The following USP37 variants were observed in gnomAD, a reference collection of about 807,000 sequenced individuals.
USP37 encodes ubiquitin specific peptidase 37.
In USP37, 27 loss-of-function variants were observed where a neutral mutation model predicts 124.0. The ratio of observed to expected loss-of-function variants is 0.22; its 90% CI spans 0.16 to 0.30. USP37 has a LOEUF of 0.30. Among genes scored for constraint, USP37 ranks in the 10% least tolerant of loss-of-function variants. The probability of loss-of-function intolerance (pLI) is 1.00; values close to 1 mark genes in which losing one functional copy is unlikely to be tolerated. For synonymous variants in USP37, 365 were observed against 388.0 expected, an observed-to-expected ratio of 0.94 and a Z score of 0.70; for missense variants, 889 against 1,140.4, an observed-to-expected ratio of 0.78 and a Z score of 3.17.
chr2:218,529,958 G>GTC lies in USP37; in HGVS notation c.859_860dup (p.Asp287GlufsTer31). The GTC allele has an allele frequency of 6.2e-7, 1 of 1,609,464 alleles. No individual in the cohort carries two copies. Among genetic ancestry groups the GTC allele is most frequent in the Non-Finnish European group, 8.5e-7 (1 of 1,178,588 alleles). Reference sequence around the variant, plus strand: ...CAAGTAATATAACCAATGCATACCTGTCTAAGTTAGTGCCACCAGAAGAGT... The same window carrying GTC: ...CAAGTAATATAACCAATGCATACCTGTCTCTAAGTTAGTGCCACCAGAAGAGT... On this transcript the variant is annotated frameshift_variant, in exon 10 of 26. Coordinates refer to ENST00000258399, the MANE Select transcript of USP37 (RefSeq NM_020935.3). LOFTEE classifies it high-confidence loss of function.
chr2:218,514,231 T>C (rs1466216793), intron 10 of USP37: 1 of 152,198 alleles, frequency 6.6e-6, no homozygotes. Context: ...AAATTAACAA[T>C]GATACAATAC....
intron 16 of USP37, among the ~76,000 whole-genome samples, chr2:218,483,656 T>G (rs907748365): frequency 6.6e-6 from 1 of 151,896 alleles, no homozygotes; most frequent in Non-Finnish European, 1.5e-5. Context: ...TAGCATTTTT[T>G]TCCCCCCACT....
Position 218,510,122 on chromosome 2 carries a change from C to A in USP37, c.882G>T (p.Gln294His). The A allele has an allele frequency of 6.2e-7, 1 of 1,610,474 alleles. No individual in the cohort carries two copies. The change falls in exon 11 of 26, where the codon CAG (glutamine) becomes CAT (histidine). Residue 294 changes from glutamine (Q) to histidine (H), a missense_variant. Around this residue, in one of 3 missense-constraint regions of USP37, gnomAD observed 374 missense variants for 386.0 expected, o/e 0.97. Coordinates refer to ENST00000258399, the MANE Select transcript of USP37 (RefSeq NM_020935.3). ...CCAAACTTCTTTTGGCAGAGGGAGT[C>A]TGGCTTGAAACATTAGTCCTACAAA... The part of the protein sequence containing the change: ...TNLDRTNVSS[Q>H]TPSAKRSLGF...
intron 9 of USP37, among the ~76,000 whole-genome samples, chr2:218,532,159 T>C (rs889487895): frequency 3.9e-5 from 6 of 152,176 alleles, no homozygotes; most frequent in Non-Finnish European, 8.8e-5. Context: ...ATCAGAGATG[T>C]GACAAATTGT....
chr2:218,543,525 A>C (rs1052345555), intron 8 of USP37, among the ~76,000 whole-genome samples: 10 of 145,820 alleles, frequency 6.9e-5, no homozygotes, highest in South Asian at 2.2e-4. Flanking sequence ...AAAAAAAAAA[A>C]AAACAGGACA....
intron 20 of USP37, among the ~76,000 whole-genome samples, chr2:218,473,472 T>A (rs933183903): frequency 6.6e-6 from 1 of 152,222 alleles, no homozygotes; most frequent in African/African-American, 2.4e-5. Flanking sequence ...GCAAAATAAT[T>A]CATAATTGAA....
chr2:218,455,908 T>C (rs1490782949), intron 24 of USP37, among the ~76,000 whole-genome samples, 190 bp from the exon 25 acceptor site: 4 of 151,810 alleles, frequency 2.6e-5, no homozygotes, highest in African/African-American at 4.8e-5. Context: ...TAGCCAGGCA[T>C]GGTGGCGTGC....
chr2:218,459,676 C>A, intron 23 of USP37, 114 bp downstream of exon 23: 2 of 745,716 alleles, frequency 2.7e-6, no homozygotes. Context: ...CTAATGGCTA[C>A]TGAAAGGGCC....
chr2:218,498,264 G>C (rs1689177622), intron 11 of USP37, 107 bp from the exon 12 acceptor site: 1 of 1,192,914 alleles, frequency 8.4e-7, no homozygotes, highest in South Asian at 1.7e-5. Context: ...TGGAGGGCTT[G>C]TTAAACTACA....
At chr2:218,551,976 TAG>T (rs1342013115) in intron 5 of USP37, among the ~76,000 whole-genome samples, 1 of 152,066 alleles carries the variant, frequency 6.6e-6, no homozygotes, top group Admixed American at 6.6e-5. Flanking sequence ...GTATTTTTAG[TAG>T]AGATGGGGTT....
intron 4 of USP37, among the ~76,000 whole-genome samples, chr2:218,555,862 C>A (rs1239261374): frequency 6.6e-6 from 1 of 152,146 alleles, no homozygotes; most frequent in Non-Finnish European, 1.5e-5. Context: ...GCCATCCACT[C>A]AAAAACTTGA....
chr2:218,523,263 C>CA (rs35539483), intron 10 of USP37, among the ~76,000 whole-genome samples: 6,227 of 129,448 alleles, frequency 0.048, 167 homozygotes, highest in East Asian at 0.14. Context: ...GACTTCGTCT[C>CA]AAAAAAAAAA....
chr2:218,485,537 A>T, intron 16 of USP37, 127 bp downstream of exon 16: 1 of 1,098,440 alleles, frequency 9.1e-7, no homozygotes, highest in South Asian at 1.7e-5. Context: ...TTACCAATCC[A>T]TTCTGGTAAC....
At chr2:218,484,459 T>C (rs1446454408) in intron 16 of USP37, among the ~76,000 whole-genome samples, 6 of 150,264 alleles carry the variant, frequency 4.0e-5, no homozygotes, top group African/African-American at 1.5e-4. Flanking sequence ...CCGTCTCTAC[T>C]AAAAATACAA....
chr2:218,480,084 TGTA>T (rs1162641566), intron 17 of USP37, among the ~76,000 whole-genome samples: 2 of 151,270 alleles, frequency 1.3e-5, no homozygotes, highest in Non-Finnish European at 2.9e-5. Context: ...AGGCGGAGGT[TGTA>T]GTAAGTGGTG....
At chr2:218,558,407 G>A in intron 4 of USP37, 91 bp downstream of exon 4, 1 of 1,108,544 alleles carries the variant, frequency 9.0e-7, no homozygotes, top group South Asian at 2.2e-5. Context: ...AATCTAGGAG[G>A]AGGGCTACTG....
At chr2:218,464,792 A>T (rs1175168202) in intron 21 of USP37, among the ~76,000 whole-genome samples, 1 of 152,214 alleles carries the variant, frequency 6.6e-6, no homozygotes, top group Non-Finnish European at 1.5e-5. Context: ...CATAAAGAAA[A>T]GAGCAAGGGC....
intron 10 of USP37, among the ~76,000 whole-genome samples, chr2:218,520,416 C>T (rs1214688439): frequency 6.9e-6 from 1 of 144,400 alleles, no homozygotes; most frequent in East Asian, 2.0e-4. Context: ...ACGGAGCGAA[C>T]TTGGCTCACT....
chr2:218,494,475 T>C (rs529425955), intron 14 of USP37, among the ~76,000 whole-genome samples: 31 of 152,294 alleles, frequency 2.0e-4, no homozygotes, highest in African/African-American at 7.0e-4. Flanking sequence ...AAACTGTGAA[T>C]TTCAAAAATA....
Sources: allele counts gnomAD v4.1 joint callset (sites outside exome capture counted in the v4.1 genomes callset), GRCh38; gene constraint gnomAD v4.1.1; regional missense constraint gnomAD v4.1.1; transcripts MANE v1.5; gene names NCBI Gene and HGNC (gene_info 2026-07-23, HGNC 2026-07-21).